CSMD3: variants seen among roughly 807,000 people sequenced by gnomAD.
CSMD3 encodes the protein CUB and Sushi multiple domains 3.
CSMD3 carries 177 observed loss-of-function variants against 435.2 expected under a neutral mutation model. That is an observed-to-expected ratio of 0.41 (90% CI 0.36 to 0.46). The LOEUF is 0.46. Ranked by LOEUF, CSMD3 falls within the 20% of genes least tolerant of loss-of-function variation. The pLI is 0.34. For synonymous variants in CSMD3, 1,656 were observed against 1,520.5 expected (o/e 1.09, Z -2.07); for missense variants, 4,265 against 4,504.6 (o/e 0.95, Z 1.52).
intron 41 of CSMD3, among the ~76,000 whole-genome samples, chr8:112,342,189 G>A (rs753028978): frequency 6.6e-6 from 1 of 151,982 alleles, no homozygotes; most frequent in Non-Finnish European, 1.5e-5. Flanking sequence ...ATAATTTAAA[G>A]GGTGCTCTTT....
intron 4 of CSMD3, among the ~76,000 whole-genome samples, chr8:113,141,748 C>A (rs1000239883): frequency 1.3e-5 from 2 of 150,922 alleles, no homozygotes; most frequent in African/African-American, 4.8e-5. Flanking sequence ...TGAAAATTTT[C>A]TATAACATCA....
chr8:112,323,019 G>T (rs943638853), intron 45 of CSMD3, among the ~76,000 whole-genome samples: 3 of 152,030 alleles, frequency 2.0e-5, no homozygotes, highest in Non-Finnish European at 4.4e-5. Flanking sequence ...TGCCAGTGGG[G>T]ATGAAATAGA....
At chr8:112,777,752 AGTTTGCC>A (rs2078281626) in intron 13 of CSMD3, among the ~76,000 whole-genome samples, 1 of 151,808 alleles carries the variant, frequency 6.6e-6, no homozygotes, top group Non-Finnish European at 1.5e-5. Context: ...TTTGAGTCAA[AGTTTGCC>A]TCCAACATAT....
intron 10 of CSMD3, among the ~76,000 whole-genome samples, chr8:112,909,880 T>A (rs2082360005): frequency 6.6e-6 from 1 of 151,812 alleles, no homozygotes; most frequent in African/African-American, 2.4e-5. Context: ...TTAAGTCCGG[T>A]TAGAAGAGGA....
At chr8:112,699,193 G>C (rs377055127) in intron 13 of CSMD3, among the ~76,000 whole-genome samples, 6 of 151,968 alleles carry the variant, frequency 3.9e-5, no homozygotes, top group Non-Finnish European at 8.8e-5. Flanking sequence ...CTCACTCTTC[G>C]GGTCCGCAGT....
At chr8:113,112,407 A>G (rs865921483) in intron 4 of CSMD3, among the ~76,000 whole-genome samples, 5 of 4,680 alleles carry the variant, frequency 1.1e-3, no homozygotes, top group Non-Finnish European at 1.3e-3. Context: ...ATATATATAT[A>G]TATATATATA....
At chr8:112,395,784 G>T (rs1830809242) in intron 35 of CSMD3, among the ~76,000 whole-genome samples, 1 of 152,116 alleles carries the variant, frequency 6.6e-6, no homozygotes, top group Admixed American at 6.6e-5. Flanking sequence ...TTAGGAGACT[G>T]CATAGTTTAA....
chr8:112,361,568 CATACATATATATATATAT>C (rs1827213033), intron 38 of CSMD3, among the ~76,000 whole-genome samples: 1 of 35,594 alleles, frequency 2.8e-5, no homozygotes, highest in African/African-American at 1.2e-4. Flanking sequence ...TATATATACA[CATACATATATATATATAT>C]ATATATATAT....
chr8:113,310,740 A>G (rs1166132732), intron 2 of CSMD3: 2 of 151,876 alleles, frequency 1.3e-5, no homozygotes, highest in African/African-American at 4.8e-5. Flanking sequence ...TATAAAGAAT[A>G]TTATTTGCTT....
At chr8:112,803,747 T>G in intron 12 of CSMD3, among the ~76,000 whole-genome samples, 1 of 152,190 alleles carries the variant, frequency 6.6e-6, no homozygotes, top group East Asian at 1.9e-4. Context: ...ATTGAGAAGT[T>G]ATACAGACCT....
At chr8:113,062,772 C>T (rs1215991310) in intron 5 of CSMD3, among the ~76,000 whole-genome samples, 1 of 151,740 alleles carries the variant, frequency 6.6e-6, no homozygotes, top group African/African-American at 2.4e-5. Flanking sequence ...TCTTTCTAAG[C>T]TGCATATTAT....
At chr8:112,593,460 C>T (rs1685074042) in intron 22 of CSMD3, among the ~76,000 whole-genome samples, 1 of 152,100 alleles carries the variant, frequency 6.6e-6, no homozygotes, top group African/African-American at 2.4e-5. Flanking sequence ...CAATGAGTGG[C>T]TTTGATTATA....
chr8:112,361,253 G>A (rs1010243033), intron 38 of CSMD3, among the ~76,000 whole-genome samples: 1 of 151,454 alleles, frequency 6.6e-6, no homozygotes, highest in Non-Finnish European at 1.5e-5. Flanking sequence ...TAATGGGATT[G>A]GATCAATTAA....
At position 113,173,774 on chromosome 8, in the gene CSMD3, T is replaced by C. The variant is rs2219898; in HGVS notation, c.657A>G (p.Ile219Met). 491,294 of 1,611,742 alleles carry C rather than the reference T, an allele frequency of 0.3. 84,547 individuals carry two copies. Among genetic ancestry groups the C allele is most frequent in the East Asian group, 0.7 (31,306 of 44,790 alleles). ...ACGAAGCTGTATTAACTGAATTGGCTATGCAGGTGAGCTGAGGGTGGCCAT... is the reference window on the plus strand; with the variant it reads ...ACGAAGCTGTATTAACTGAATTGGCCATGCAGGTGAGCTGAGGGTGGCCAT... Reference protein sequence around the residue: ...ILDGHPQLTCIANSVNTASWD... With the variant: ...ILDGHPQLTCMANSVNTASWD... The change falls in exon 4 of 71, where the codon ATA (isoleucine) becomes ATG (methionine). Residue 219 changes from isoleucine to methionine, a missense_variant. By Grantham distance (10) the Ile-to-Met change is conservative. Around this residue, in one of 3 missense-constraint regions of CSMD3, gnomAD observed 731 missense variants for 755.4 expected, o/e 0.97. Coordinates refer to ENST00000297405, the MANE Select transcript of CSMD3 (RefSeq NM_198123.2).
intron 2 of CSMD3, chr8:113,314,313 C>A (rs765302134): frequency 1.7e-5 from 7 of 404,374 alleles, no homozygotes; most frequent in Admixed American, 1.2e-4. Flanking sequence ...AAACAAAATA[C>A]CTTTAGCCAC....
chr8:112,636,484 A>ATCGG (rs2074660501), intron 22 of CSMD3, among the ~76,000 whole-genome samples: 1 of 105,340 alleles, frequency 9.5e-6, no homozygotes, highest in Admixed American at 9.3e-5. Context: ...CTATCTGTCT[A>ATCGG]TCTGTCTATC....
chr8:112,617,657 T>A (rs1274015033), intron 22 of CSMD3, among the ~76,000 whole-genome samples: 2 of 152,182 alleles, frequency 1.3e-5, no homozygotes, highest in Non-Finnish European at 2.9e-5. Context: ...ACAGGTTAAC[T>A]ATCTTTTGTC....
chr8:113,433,897 G>A (rs1392580628), intron 1 of CSMD3, among the ~76,000 whole-genome samples: 1 of 152,088 alleles, frequency 6.6e-6, no homozygotes, highest in African/African-American at 2.4e-5. Flanking sequence ...TGGGGGGTGC[G>A]GGGGAGGGGA....
chr8:113,270,252 A>G (rs535427252), intron 3 of CSMD3, among the ~76,000 whole-genome samples: 3 of 149,638 alleles, frequency 2.0e-5, no homozygotes, highest in East Asian at 2.0e-4. Flanking sequence ...AATCAAAACC[A>G]CAATGAGATA....
Sources: gnomAD v4.1 joint callset for allele counts (sites outside exome capture counted in the v4.1 genomes callset) on GRCh38, gnomAD v4.1.1 for gene constraint, gnomAD v4.1.1 regional missense constraint, MANE v1.5 for transcripts, NCBI Gene and HGNC (gene_info 2026-07-23, HGNC 2026-07-21) for gene names.